The following CEP63 variants were observed in gnomAD, a reference collection of about 807,000 sequenced individuals.
The protein encoded by CEP63 is centrosomal protein of 63 kDa.
A neutral mutation model predicts 89.1 loss-of-function variants in CEP63; 84 were observed. The ratio of observed to expected loss-of-function variants is 0.94; its 90% CI spans 0.79 to 1.13. The LOEUF is 1.13. Ranked by LOEUF, CEP63 falls within the 50% of genes most tolerant of loss-of-function variation. The pLI, the probability that CEP63 is intolerant of heterozygous loss-of-function variation, is 0.00. For synonymous variants in CEP63, 267 were observed against 272.5 expected (o/e 0.98, Z 0.20); for missense variants, 838 against 813.3 (o/e 1.03, Z -0.37).
intron 2 of CEP63, among the ~76,000 whole-genome samples, chr3:134,496,896 G>A (rs1940263487): frequency 6.6e-6 from 1 of 152,084 alleles, no homozygotes. Context: ...CTCACCAACA[G>A]CATATGAGAG....
the CEP63 span, chr3:134,650,746 G>C: frequency 7.6e-7 from 1 of 1,318,346 alleles, no homozygotes; most frequent in Non-Finnish European, 1.0e-6. Flanking sequence ...AGCAATGGGC[G>C]CCCCCCGGCG....
the CEP63 span, among the ~76,000 whole-genome samples, chr3:134,675,680 C>A: frequency 6.6e-6 from 1 of 152,134 alleles, no homozygotes; most frequent in African/African-American, 2.4e-5. Context: ...TAATACAACT[C>A]AATACTAAAA....
At chr3:134,693,228 C>T in the CEP63 span, among the ~76,000 whole-genome samples, 1 of 152,194 alleles carries the variant, frequency 6.6e-6, no homozygotes, top group Non-Finnish European at 1.5e-5. Context: ...AGAATGCATT[C>T]ATAGCACACA....
the CEP63 span, chr3:134,603,808 G>C: frequency 1.9e-6 from 3 of 1,613,748 alleles, no homozygotes; most frequent in East Asian, 6.7e-5. Flanking sequence ...AAGCACACCT[G>C]ACAGAGGTTC....
At chr3:134,687,100 A>G in the CEP63 span, among the ~76,000 whole-genome samples, 1 of 152,130 alleles carries the variant, frequency 6.6e-6, no homozygotes, top group Non-Finnish European at 1.5e-5. Flanking sequence ...CAAGACCCAC[A>G]ATGGTCCTAC....
the CEP63 span, among the ~76,000 whole-genome samples, chr3:134,710,806 C>T: frequency 6.6e-6 from 1 of 150,936 alleles, no homozygotes; most frequent in African/African-American, 2.4e-5. Flanking sequence ...ACTGCAACCT[C>T]AGTCTCCTGG....
At chr3:134,499,373 T>C (rs1274551206) in intron 2 of CEP63, among the ~76,000 whole-genome samples, 1 of 152,220 alleles carries the variant, frequency 6.6e-6, no homozygotes, top group African/African-American at 2.4e-5. Flanking sequence ...TTGCCTTTTC[T>C]GTTTCTGATT....
At chr3:134,764,314 G>A in the CEP63 span, among the ~76,000 whole-genome samples, 3 of 152,156 alleles carry the variant, frequency 2.0e-5, no homozygotes, top group African/African-American at 7.2e-5. Flanking sequence ...TTCAGCCCCA[G>A]GGTCCTTTTA....
the CEP63 span, among the ~76,000 whole-genome samples, chr3:134,683,325 C>A: frequency 1.3e-5 from 2 of 152,152 alleles, no homozygotes; most frequent in Admixed American, 1.3e-4. Flanking sequence ...TGCTAAGAGA[C>A]TATTCATAGA....
chr3:134,638,263 T>C, the CEP63 span, among the ~76,000 whole-genome samples: 2 of 152,214 alleles, frequency 1.3e-5, no homozygotes, highest in African/African-American at 2.4e-5. Context: ...GAGAGTTTGC[T>C]GGCTATGACG....
chr3:134,718,527 C>T, the CEP63 span, among the ~76,000 whole-genome samples: 3 of 152,198 alleles, frequency 2.0e-5, no homozygotes, highest in African/African-American at 2.4e-5. Context: ...CAACCTAACC[C>T]GTTCAATTTT....
the CEP63 span, among the ~76,000 whole-genome samples, chr3:134,734,435 T>C: frequency 2.0e-4 from 31 of 152,326 alleles, no homozygotes; most frequent in African/African-American, 7.0e-4. Context: ...TTAAACGTTG[T>C]TCTTTGGAAA....
At chr3:134,770,805 T>C in the CEP63 span, among the ~76,000 whole-genome samples, 1,451 of 152,254 alleles carry the variant, frequency 9.5e-3, 25 homozygotes, top group African/African-American at 0.031. Flanking sequence ...GGATAAGTAA[T>C]AGTATCATCA....
rs769746268 is a variant in CEP63 at position 134,561,452 on chromosome 3, A to C, written c.2029A>C (p.Ile677Leu). The C allele has an allele frequency of 1.9e-6, 3 of 1,613,998 alleles. No individual in the cohort carries two copies. Among genetic ancestry groups the C allele is most frequent in the Non-Finnish European group, 8.5e-7 (1 of 1,179,922 alleles). The change falls in exon 15 of 15, where the codon ATT becomes CTT. Residue 677 changes from isoleucine to leucine, a missense_variant. Coordinates refer to ENST00000675561, the MANE Select transcript of CEP63 (RefSeq NM_001353108.3). ...AGAGGAGGAACTGAGGTCTCATCAC[A>C]TTCTAGAGCGCTTGGATGCCCATAT... ...LEEEELRSHH[I>L]LERLDAHIEE...
the CEP63 span, among the ~76,000 whole-genome samples, chr3:134,701,403 C>A: frequency 8.1e-5 from 2 of 24,590 alleles, no homozygotes; most frequent in Non-Finnish European, 2.4e-4. Context: ...TGTATATATA[C>A]ATATACACAC....
intron 11 of CEP63, among the ~76,000 whole-genome samples, chr3:134,574,058 G>A (rs759534175): frequency 4.6e-5 from 7 of 152,168 alleles, no homozygotes; most frequent in African/African-American, 9.7e-5. Context: ...CAGCCTCGTG[G>A]GCTGGCTGCA....
chr3:134,500,283 T>C (rs918813787), intron 2 of CEP63, among the ~76,000 whole-genome samples: 3 of 152,238 alleles, frequency 2.0e-5, no homozygotes, highest in Non-Finnish European at 4.4e-5. Context: ...TGTTTTTCTT[T>C]TATGGCTGTG....
intron 10 of CEP63, among the ~76,000 whole-genome samples, chr3:134,582,917 C>T (rs553516862): frequency 1.3e-5 from 2 of 152,332 alleles, no homozygotes; most frequent in African/African-American, 4.8e-5. Flanking sequence ...ATTTGCATTT[C>T]TCTGATGACC....
chr3:134,549,820 C>T (rs1401591846), intron 10 of CEP63, among the ~76,000 whole-genome samples: 1 of 152,136 alleles, frequency 6.6e-6, no homozygotes. Context: ...GATTCTGGTC[C>T]TCAGCACTTG....
Sources: allele counts gnomAD v4.1 joint callset (sites outside exome capture counted in the v4.1 genomes callset), GRCh38; gene constraint gnomAD v4.1.1; transcripts MANE v1.5; gene names NCBI Gene and HGNC (gene_info 2026-07-23, HGNC 2026-07-21).